The following XPNPEP3 variants were observed in gnomAD, a reference collection of about 807,000 sequenced individuals.
The protein encoded by XPNPEP3 is X-prolyl aminopeptidase 3, also known as xaa-Pro aminopeptidase 3.
In XPNPEP3, 41 loss-of-function variants were observed where a neutral mutation model predicts 60.0. The observed-to-expected ratio is 0.68, with a 90% CI of 0.53 to 0.89. XPNPEP3 has a LOEUF of 0.89. XPNPEP3 is among the 40% of genes least tolerant of loss of function. The probability of loss-of-function intolerance (pLI) is 0.00; values close to 1 mark genes in which losing one functional copy is unlikely to be tolerated. For synonymous variants in XPNPEP3, 212 were observed against 223.2 expected (o/e 0.95, Z 0.45); for missense variants, 598 against 638.9 (o/e 0.94, Z 0.69).
intron 4 of XPNPEP3, among the ~76,000 whole-genome samples, chr22:40,903,751 G>A (rs960410576): frequency 6.6e-6 from 1 of 152,016 alleles, no homozygotes; most frequent in African/African-American, 2.4e-5. Flanking sequence ...GCTTCCCAAA[G>A]TGCTGGGATT....
In XPNPEP3 at chr22:40,929,697, C is replaced by G. The variant is rs920050016; in HGVS notation, c.*3262C>G. Reference sequence around the variant, plus strand: ...TATTGTCCTTTGAGTCCCAGATTAACTAACTATAGCAGCTAAGCATTTGAA... The same window carrying G: ...TATTGTCCTTTGAGTCCCAGATTAAGTAACTATAGCAGCTAAGCATTTGAA... On this transcript the variant is annotated 3_prime_UTR_variant, in exon 10 of 10. Coordinates refer to ENST00000357137, the MANE Select transcript of XPNPEP3 (RefSeq NM_022098.4). 2 of 152,150 alleles carry G rather than the reference C, an allele frequency of 1.3e-5. No individual in the cohort carries two copies. Among genetic ancestry groups the G allele is most frequent in the African/African-American group, 4.8e-5 (2 of 41,430 alleles). The allele number at this position is 152,150 out of a possible 1,614,324, so 9.4% of individuals were successfully genotyped here. A position where few individuals can be genotyped will look rare whatever the true frequency, so the allele number is the denominator to read the frequency against.
At chr22:40,870,337 G>C in intron 2 of XPNPEP3, 1 of 244,728 alleles carries the variant, frequency 4.1e-6, no homozygotes, top group Non-Finnish European at 8.3e-6. Context: ...ATATTGTCAA[G>C]ATAATGGCCT....
chr22:40,903,416 C>G (rs1160115557), intron 4 of XPNPEP3, among the ~76,000 whole-genome samples: 1 of 152,130 alleles, frequency 6.6e-6, no homozygotes, highest in East Asian at 1.9e-4. Context: ...CTGCTAGCCC[C>G]AGCCAGACCA....
chr22:40,874,725 C>A (rs181414747), intron 2 of XPNPEP3, among the ~76,000 whole-genome samples: 1 of 152,154 alleles, frequency 6.6e-6, no homozygotes, highest in Non-Finnish European at 1.5e-5. Flanking sequence ...CATACCCAAC[C>A]GGAACATGTG....
Position 40,869,876 on chromosome 22 carries a change from A to G in XPNPEP3, c.181+761A>G, listed in dbSNP as rs568591021. ...AAAAAGCAATCAGGTTTTCAAGGAA[A>G]ATTAATTGTTCTTTCTGCCATAAGA... is the stretch of plus-strand genomic sequence containing the variant. On this transcript the variant is annotated intron_variant, in intron 2 of 9. Transcript: ENST00000357137. Among the ~76,000 whole-genome samples, 25 of 152,346 alleles carry G rather than the reference A, an allele frequency of 1.6e-4. No individual in the cohort carries two copies. In the East Asian group the frequency reaches 4.6e-3, roughly 28 times the overall value.
chr22:40,873,568 C>G (rs1309078852), intron 2 of XPNPEP3, among the ~76,000 whole-genome samples: 1 of 151,944 alleles, frequency 6.6e-6, no homozygotes, highest in Non-Finnish European at 1.5e-5. Context: ...CCTATAATCC[C>G]AGCACTTTGG....
intron 2 of XPNPEP3, among the ~76,000 whole-genome samples, chr22:40,874,684 C>A (rs778332280): frequency 2.0e-5 from 3 of 152,134 alleles, no homozygotes; most frequent in Admixed American, 6.5e-5. Context: ...CCTTGGCCCC[C>A]CAAAGTGCTG....
intron 7 of XPNPEP3, among the ~76,000 whole-genome samples, chr22:40,920,739 C>T (rs1164888839): frequency 6.6e-6 from 1 of 152,158 alleles, no homozygotes; most frequent in Admixed American, 6.6e-5. Context: ...TTCATTCCCA[C>T]CCACATTCCC....
intron 3 of XPNPEP3, among the ~76,000 whole-genome samples, 199 bp from the exon 4 acceptor site, chr22:40,886,114 T>G (rs1041361620): frequency 5.9e-5 from 9 of 152,192 alleles, no homozygotes; most frequent in Non-Finnish European, 8.8e-5. Flanking sequence ...ATCTTGCCAT[T>G]TCCAGGGAAT....
rs1387408839 is a variant in XPNPEP3, at chr22:40,860,801, C to T, written c.64+3556C>T. 7.8e-6 allele frequency: 5 copies of T among 639,720 alleles called. No homozygotes were observed. The Admixed American group carries it at 1.3e-4, about 17-fold the overall frequency. 39.6% of individuals were successfully genotyped at this position (639,720 alleles called of 1,614,324 possible). On this transcript the variant is annotated intron_variant, in intron 1 of 9. Coordinates refer to ENST00000357137, the MANE Select transcript of XPNPEP3 (RefSeq NM_022098.4). ...GAGTAGCTGGGACTACAGGTGCACA[C>T]CACCACACTTGGCTAATTTTTAAAT...
intron 1 of XPNPEP3, chr22:40,861,087 T>C: frequency 1.9e-6 from 3 of 1,591,916 alleles, no homozygotes; most frequent in Non-Finnish European, 2.6e-6. Flanking sequence ...TTTGGTAGAC[T>C]TCTTTTGCAC....
chr22:40,865,133 T>G (rs1377542843), intron 1 of XPNPEP3, among the ~76,000 whole-genome samples: 2 of 152,172 alleles, frequency 1.3e-5, no homozygotes, highest in Non-Finnish European at 2.9e-5. Flanking sequence ...ACAAAACTTA[T>G]CCAGAGTATT....
chr22:40,875,327 G>A (rs956336381), intron 2 of XPNPEP3, among the ~76,000 whole-genome samples: 1 of 152,044 alleles, frequency 6.6e-6, no homozygotes, highest in African/African-American at 2.4e-5. Flanking sequence ...AAGCCACCAT[G>A]CCTGGCTAAT....
chr22:40,910,963 G>A (rs917564408), intron 6 of XPNPEP3, among the ~76,000 whole-genome samples: 10 of 152,264 alleles, frequency 6.6e-5, no homozygotes, highest in African/African-American at 1.4e-4. Flanking sequence ...AGCCGAGATC[G>A]CGCCACTGTA....
chr22:40,860,875 A>C (rs1470133134), intron 1 of XPNPEP3: 1 of 672,600 alleles, frequency 1.5e-6, no homozygotes, highest in African/African-American at 1.8e-5. Flanking sequence ...AATTCTTATT[A>C]GCACCAACTG....
chr22:40,861,655 C>A lies in XPNPEP3; in HGVS notation c.64+4410C>A, dbSNP rs141900496. 8 of 1,614,118 alleles carry A rather than the reference C, an allele frequency of 5.0e-6. No individual in the cohort carries two copies. The South Asian group carries it at 8.8e-5, about 18-fold the overall frequency. ...CGATTTAACAGGTCCTCAAGCGAGTCTTCAAAGAAGTGAAAAGAAAATGGA... is the reference window on the plus strand; with the variant it reads ...CGATTTAACAGGTCCTCAAGCGAGTATTCAAAGAAGTGAAAAGAAAATGGA... On this transcript the variant is annotated intron_variant, in intron 1 of 9. Transcript: ENST00000357137.
At chr22:40,888,227 T>C (rs1409202489) in intron 4 of XPNPEP3, among the ~76,000 whole-genome samples, 1 of 152,172 alleles carries the variant, frequency 6.6e-6, no homozygotes, top group Non-Finnish European at 1.5e-5. Context: ...ATAATGTTTT[T>C]AAATTTCTTC....
chr22:40,883,344 A>C (rs2058055846), intron 3 of XPNPEP3, among the ~76,000 whole-genome samples: 1 of 152,068 alleles, frequency 6.6e-6, no homozygotes, highest in Admixed American at 6.6e-5. Flanking sequence ...TGGTTCATAT[A>C]CAGTTGAGTT....
intron 2 of XPNPEP3, among the ~76,000 whole-genome samples, chr22:40,880,441 C>G (rs2058043005): frequency 6.7e-6 from 1 of 150,196 alleles, no homozygotes; most frequent in Non-Finnish European, 1.5e-5. Context: ...CCAAAAAGCC[C>G]CAAATGCATG....
Sources: allele counts gnomAD v4.1 joint callset (sites outside exome capture counted in the v4.1 genomes callset), GRCh38; gene constraint gnomAD v4.1.1; transcripts MANE v1.5; gene names NCBI Gene and HGNC (gene_info 2026-07-23, HGNC 2026-07-21).